The following SCAPER variants were observed in gnomAD, a reference collection of about 807,000 sequenced individuals.
SCAPER encodes the protein S-phase cyclin A associated protein in the ER.
Under a neutral mutation model 182.2 loss-of-function variants are expected in SCAPER, and 98 were observed. The observed-to-expected ratio is 0.54, with a 90% CI of 0.46 to 0.64. The LOEUF (loss-of-function observed/expected upper bound fraction) is 0.64, where lower values mean the gene tolerates loss of function less well. SCAPER is among the 30% of genes least tolerant of loss of function. The pLI, the probability that SCAPER is intolerant of heterozygous loss-of-function variation, is 0.00. For synonymous variants in SCAPER, 605 were observed against 564.6 expected (o/e 1.07, Z -1.01); for missense variants, 1,432 against 1,690.0 (o/e 0.85, Z 2.68).
chr15:76,488,830 A>G (rs2051969689), intron 24 of SCAPER, among the ~76,000 whole-genome samples: 1 of 143,840 alleles, frequency 7.0e-6, no homozygotes, highest in Non-Finnish European at 1.5e-5. Context: ...GGTTCAAGCG[A>G]TTCTCCTGCC....
chr15:76,560,850 T>C (rs767249566), intron 23 of SCAPER, among the ~76,000 whole-genome samples: 36 of 152,176 alleles, frequency 2.4e-4, no homozygotes, highest in Non-Finnish European at 2.9e-4. Context: ...TTTTTCCATA[T>C]GGCCCATGTT....
At chr15:76,857,351 T>C (rs2071478053) in intron 4 of SCAPER, among the ~76,000 whole-genome samples, 1 of 151,436 alleles carries the variant, frequency 6.6e-6, no homozygotes, top group Non-Finnish European at 1.5e-5. Context: ...GAGAACTACT[T>C]GAACCCAAGA....
At chr15:76,698,889 CCATGAG>C (rs1186526022) in intron 20 of SCAPER, among the ~76,000 whole-genome samples, 1 of 152,214 alleles carries the variant, frequency 6.6e-6, no homozygotes, top group Non-Finnish European at 1.5e-5. Context: ...CTCTTCCTAT[CCATGAG>C]CATGGAACAT....
chr15:76,559,792 C>T lies in SCAPER; in HGVS notation c.2838+14366G>A, dbSNP rs142420119. On this transcript the variant is annotated intron_variant, in intron 23 of 31. Transcript: ENST00000563290. Reference sequence around the variant, plus strand: ...CTGAAAAATTACCTGTTGGGTACTACGCTTATTACCTGGGTGATGAAATAA... The same window carrying T: ...CTGAAAAATTACCTGTTGGGTACTATGCTTATTACCTGGGTGATGAAATAA... Among the ~76,000 whole-genome samples, 10 of 152,258 alleles carry T rather than the reference C, an allele frequency of 6.6e-5. No homozygotes were observed. The East Asian group carries it at 1.7e-3, about 27-fold the overall frequency.
chr15:76,618,970 G>A (rs1445582621), intron 22 of SCAPER, among the ~76,000 whole-genome samples: 1 of 152,118 alleles, frequency 6.6e-6, no homozygotes, highest in African/African-American at 2.4e-5. Context: ...TCAGCCTCCT[G>A]AGTAGCTGGG....
chr15:76,520,126 C>G (rs2042729512), intron 23 of SCAPER, among the ~76,000 whole-genome samples: 1 of 152,156 alleles, frequency 6.6e-6, no homozygotes, highest in Non-Finnish European at 1.5e-5. Flanking sequence ...CCATGAACAA[C>G]TGTGTATTTC....
intron 22 of SCAPER, among the ~76,000 whole-genome samples, chr15:76,592,016 C>G (rs1018744155): frequency 6.6e-6 from 1 of 152,138 alleles, no homozygotes; most frequent in African/African-American, 2.4e-5. Context: ...GCTGATATTG[C>G]ACCATTGCAC....
chr15:76,855,561 CA>C lies in SCAPER; in HGVS notation c.195+2247del, dbSNP rs529832310. ...TAATATCTGGCATCTATAATAAATG[CA>C]AACAAATTTACAAGATAAAAACAAA... On this transcript the variant is annotated intron_variant, in intron 4 of 31. Transcript: ENST00000563290. Among the ~76,000 whole-genome samples the C allele has an allele frequency of 7.5e-3, 1,131 of 149,962 alleles. 19 individuals are homozygous for C. The highest frequency in any genetic ancestry group is 0.026 in the African/African-American group (1,077 of 40,800).
chr15:76,534,556 G>C (rs973431173), intron 23 of SCAPER, among the ~76,000 whole-genome samples: 1 of 152,084 alleles, frequency 6.6e-6, no homozygotes, highest in Admixed American at 6.6e-5. Flanking sequence ...TTAGTTTCTG[G>C]TTTTTCAGTG....
Position 76,775,090 on chromosome 15 carries a change from G to C in SCAPER, c.800C>G (p.Thr267Ser), listed in dbSNP as rs2063670730. The change falls in exon 9 of 32, where the codon ACC becomes AGC. Residue 267 changes from threonine to serine, a missense_variant. Thr to Ser is a moderately conservative substitution (Grantham distance 58). Coordinates refer to ENST00000563290, the MANE Select transcript of SCAPER (RefSeq NM_020843.4). The part of the protein sequence containing the change: ...NERKDAEGWE[T>S]VQRGRPIRSR... The stretch of plus-strand genomic sequence containing the variant: ...ACGAATAGGCCTTCCTCTCTGAACG[G>C]TCTCCCATCCTTCAGCATCTTTCCG... 1 of 1,612,956 alleles carries C rather than the reference G, an allele frequency of 6.2e-7. No homozygotes were observed. The highest frequency in any genetic ancestry group is 8.5e-7 in the Non-Finnish European group (1 of 1,179,494).
At chr15:76,693,607 C>A (rs2058495829) in intron 20 of SCAPER, among the ~76,000 whole-genome samples, 1 of 151,942 alleles carries the variant, frequency 6.6e-6, no homozygotes, top group African/African-American at 2.4e-5. Context: ...AGATGAATGG[C>A]TATACAAAAT....
At chr15:76,750,591 T>A (rs117352952) in intron 15 of SCAPER, among the ~76,000 whole-genome samples, 1,679 of 152,008 alleles carry the variant, frequency 0.011, 26 homozygotes, top group Non-Finnish European at 0.015. Context: ...GATTTATTCC[T>A]GGAATGGTAC....
intron 20 of SCAPER, among the ~76,000 whole-genome samples, chr15:76,673,426 C>A (rs2057163850): frequency 6.6e-6 from 1 of 152,072 alleles, no homozygotes; most frequent in South Asian, 2.1e-4. Context: ...TTAAACTGTT[C>A]TTGGTAATTA....
At chr15:76,723,432 A>C (rs1171928099) in intron 17 of SCAPER, among the ~76,000 whole-genome samples, 1 of 152,158 alleles carries the variant, frequency 6.6e-6, no homozygotes, top group Non-Finnish European at 1.5e-5. Context: ...AGAGTTCTGT[A>C]GATGTCTATT....
rs562126264 is a variant in SCAPER, at chr15:76,848,784, T to C, written c.196-6853A>G. ...ACTTTAAAATCTATCAACTGGTTTT[T>C]TAGTATTTTTTAGCACACCACAGCC... On this transcript the variant is annotated intron_variant, in intron 4 of 31. Transcript: ENST00000563290. Among the ~76,000 whole-genome samples, 481 of 152,304 alleles carry C rather than the reference T, an allele frequency of 3.2e-3. 5 individuals are homozygous for C. The highest frequency in any genetic ancestry group is 0.011 in the African/African-American group (459 of 41,544).
intron 2 of SCAPER, among the ~76,000 whole-genome samples, chr15:76,866,732 T>C (rs2072327383): frequency 6.6e-6 from 1 of 152,192 alleles, no homozygotes; most frequent in Non-Finnish European, 1.5e-5. Context: ...TCAGTAGTAA[T>C]GTAAATAAAA....
chr15:76,572,513 C>T (rs1182139108), intron 23 of SCAPER, among the ~76,000 whole-genome samples: 7 of 152,194 alleles, frequency 4.6e-5, no homozygotes, highest in East Asian at 1.9e-4. Flanking sequence ...TTCCTCCAGA[C>T]GACTGTACTG....
intron 26 of SCAPER, among the ~76,000 whole-genome samples, chr15:76,430,028 G>A (rs2046759688): frequency 6.6e-6 from 1 of 152,202 alleles, no homozygotes; most frequent in Non-Finnish European, 1.5e-5. Context: ...CATGGCTAAA[G>A]GGGCCAAGAT....
Position 76,830,847 on chromosome 15 carries a change from T to A in SCAPER, c.393+10887A>T, listed in dbSNP as rs74980106. Among the ~76,000 whole-genome samples, 1,195 of 149,794 alleles carry A rather than the reference T, an allele frequency of 8.0e-3. 9 individuals are homozygous for A. The highest frequency in any genetic ancestry group is 0.028 in the African/African-American group (1,135 of 40,588). On this transcript the variant is annotated intron_variant, in intron 5 of 31. Coordinates refer to ENST00000563290, the MANE Select transcript of SCAPER (RefSeq NM_020843.4). Reference sequence around the variant, plus strand: ...CAAGCAGATCTTTGTAAAGAAGGCATTGAGAGTGGATAGAGGGAGAAGACA... The same window carrying A: ...CAAGCAGATCTTTGTAAAGAAGGCAATGAGAGTGGATAGAGGGAGAAGACA...
Sources: gnomAD v4.1 joint callset for allele counts (sites outside exome capture counted in the v4.1 genomes callset) on GRCh38, gnomAD v4.1.1 for gene constraint, MANE v1.5 for transcripts, NCBI Gene and HGNC (gene_info 2026-07-23, HGNC 2026-07-21) for gene names.